Variants in CNTNAP2 observed in about 807,000 individuals in gnomAD.
CNTNAP2 encodes contactin associated protein 2, also known as contactin-associated protein-like 2.
CNTNAP2 carries 98 observed loss-of-function variants against 155.2 expected under a neutral mutation model. That is an observed-to-expected ratio of 0.63 (90% CI 0.54 to 0.75). The LOEUF (loss-of-function observed/expected upper bound fraction) is 0.75. CNTNAP2 is among the 30% of genes least tolerant of loss of function. The probability of loss-of-function intolerance (pLI) is 0.00; values close to 1 mark genes in which losing one functional copy is unlikely to be tolerated. For missense variants in CNTNAP2, 1,727 were observed against 1,688.1 expected (o/e 1.02, Z -0.40); for synonymous variants, 651 against 631.2 (o/e 1.03, Z -0.47).
intron 18 of CNTNAP2, among the ~76,000 whole-genome samples, chr7:148,214,735 T>A (rs918846845): frequency 6.6e-6 from 1 of 152,060 alleles, no homozygotes; most frequent in East Asian, 1.9e-4. Context: ...CACGCCTGGC[T>A]AATTTTTGTA....
At chr7:147,606,437 T>G (rs150079176) in intron 12 of CNTNAP2, among the ~76,000 whole-genome samples, 73 of 152,372 alleles carry the variant, frequency 4.8e-4, no homozygotes, top group African/African-American at 1.6e-3. Context: ...TAGCTTAGCA[T>G]TTGGCAAAAA....
chr7:148,113,609 T>C (rs1804403037), intron 15 of CNTNAP2, among the ~76,000 whole-genome samples: 1 of 152,220 alleles, frequency 6.6e-6, no homozygotes. Flanking sequence ...TGATGCTTAA[T>C]TGGGGTTTAA....
chr7:146,446,580 C>T (rs932897157), intron 1 of CNTNAP2, among the ~76,000 whole-genome samples: 9 of 151,944 alleles, frequency 5.9e-5, no homozygotes, highest in Admixed American at 1.3e-4. Flanking sequence ...CCAGTTGGTT[C>T]TAGGGGAAAA....
intron 1 of CNTNAP2, among the ~76,000 whole-genome samples, chr7:146,377,235 A>C (rs556062429): frequency 3.7e-4 from 56 of 152,224 alleles, no homozygotes; most frequent in African/African-American, 1.2e-3. Flanking sequence ...TCTCTTTTGT[A>C]CTTTGAATTA....
At chr7:147,272,631 T>C (rs1804778927) in intron 8 of CNTNAP2, among the ~76,000 whole-genome samples, 1 of 151,202 alleles carries the variant, frequency 6.6e-6, no homozygotes, top group African/African-American at 2.4e-5. Context: ...CTCGAGTAGC[T>C]GGGACTACAG....
chr7:146,574,368 T>C (rs1415103165), intron 1 of CNTNAP2, among the ~76,000 whole-genome samples: 1 of 152,172 alleles, frequency 6.6e-6, no homozygotes, highest in Non-Finnish European at 1.5e-5. Flanking sequence ...TTGTTTTAAG[T>C]CAGGCATGCA....
chr7:146,370,158 G>A (rs1795213760), intron 1 of CNTNAP2, among the ~76,000 whole-genome samples: 1 of 148,856 alleles, frequency 6.7e-6, no homozygotes, highest in South Asian at 2.1e-4. Context: ...GGTGGCTTAC[G>A]ACTGTAATCC....
chr7:147,117,781 G>A (rs1315296985), intron 5 of CNTNAP2, among the ~76,000 whole-genome samples: 1 of 152,030 alleles, frequency 6.6e-6, no homozygotes, highest in African/African-American at 2.4e-5. Flanking sequence ...ATTTTTGTAG[G>A]TAATGATACA....
intron 9 of CNTNAP2, among the ~76,000 whole-genome samples, chr7:147,316,873 A>G (rs1271582785): frequency 6.6e-6 from 1 of 152,246 alleles, no homozygotes; most frequent in African/African-American, 2.4e-5. Flanking sequence ...TAAATGGTAT[A>G]CAAAAAGGTT....
intron 15 of CNTNAP2, among the ~76,000 whole-genome samples, chr7:148,080,381 G>A (rs571461798): frequency 4.6e-5 from 7 of 152,082 alleles, no homozygotes; most frequent in South Asian, 2.1e-4. Flanking sequence ...TGAGGCAGGC[G>A]GATCACGAGG....
At chr7:147,457,196 A>T (rs747310554) in intron 10 of CNTNAP2, among the ~76,000 whole-genome samples, 2 of 152,212 alleles carry the variant, frequency 1.3e-5, no homozygotes, top group Non-Finnish European at 2.9e-5. Context: ...GCGAGAACAA[A>T]GAAAAAGAAC....
Position 148,031,657 on chromosome 7 carries a change from G to A in CNTNAP2, c.2383+53668G>A, listed in dbSNP as rs182988857. ...CATCCAGTAGATACAGAAATGTTCG[G>A]CCCAGGGTCAGTGGTGTTGCCCAGG... On this transcript the variant is annotated intron_variant, in intron 15 of 23. Coordinates refer to ENST00000361727, the MANE Select transcript of CNTNAP2 (RefSeq NM_014141.6). 2.0e-4 allele frequency among the ~76,000 whole-genome samples: 30 copies of A among 152,236 alleles called. No individual in the cohort carries two copies. The East Asian group carries it at 5.4e-3, about 27-fold the overall frequency.
intron 8 of CNTNAP2, among the ~76,000 whole-genome samples, chr7:147,202,271 A>C (rs1363959763): frequency 6.6e-6 from 1 of 152,062 alleles, no homozygotes; most frequent in African/African-American, 2.4e-5. Flanking sequence ...AAATGCTCCA[A>C]AATAGTGATG....
At chr7:147,327,362 A>AC (rs1304199286) in intron 9 of CNTNAP2, among the ~76,000 whole-genome samples, 1 of 152,026 alleles carries the variant, frequency 6.6e-6, no homozygotes, top group Non-Finnish European at 1.5e-5. Flanking sequence ...GGTGTGTCTG[A>AC]CTCTAGACAC....
chr7:148,350,295 C>T (rs1458563956), intron 21 of CNTNAP2, among the ~76,000 whole-genome samples: 1 of 152,110 alleles, frequency 6.6e-6, no homozygotes, highest in Admixed American at 6.5e-5. Context: ...TGTCTACAGC[C>T]GCAAATACAG....
At chr7:147,575,123 G>A (rs1414331771) in intron 12 of CNTNAP2, among the ~76,000 whole-genome samples, 40 of 149,924 alleles carry the variant, frequency 2.7e-4, no homozygotes, top group South Asian at 4.3e-4. Flanking sequence ...GTGTGTGTGT[G>A]TGTGTGTGTG....
chr7:148,139,590 CTCG>C (rs1805019680), intron 16 of CNTNAP2, among the ~76,000 whole-genome samples: 1 of 152,072 alleles, frequency 6.6e-6, no homozygotes, highest in African/African-American at 2.4e-5. Flanking sequence ...GTGGCGTGAT[CTCG>C]GCTCACTGCA....
At chr7:147,188,080 A>AAATAAAG (rs1563108553) in intron 8 of CNTNAP2, among the ~76,000 whole-genome samples, 4 of 151,968 alleles carry the variant, frequency 2.6e-5, no homozygotes, top group Non-Finnish European at 5.9e-5. Context: ...AATAAATAAA[A>AAATAAAG]TGAGAGAAAA....
intron 13 of CNTNAP2, among the ~76,000 whole-genome samples, chr7:147,685,816 G>T (rs1796009080): frequency 6.6e-6 from 1 of 151,984 alleles, no homozygotes; most frequent in Non-Finnish European, 1.5e-5. Context: ...GAAATTTGAA[G>T]GAGATGAGAG....
Sources: allele counts gnomAD v4.1 joint callset (sites outside exome capture counted in the v4.1 genomes callset), GRCh38; gene constraint gnomAD v4.1.1; transcripts MANE v1.5; gene names NCBI Gene and HGNC (gene_info 2026-07-23, HGNC 2026-07-21).